FER1L5: variants seen among roughly 807,000 people sequenced by gnomAD.
FER1L5 encodes the protein fer-1 like family member 5.
In FER1L5, 187 loss-of-function variants were observed where a neutral mutation model predicts 279.9. The ratio of observed to expected loss-of-function variants is 0.67; its 90% CI spans 0.59 to 0.75. The LOEUF (loss-of-function observed/expected upper bound fraction) is 0.75. Among genes scored for constraint, FER1L5 ranks in the 30% least tolerant of loss-of-function variants. The pLI is 0.00. For synonymous variants in FER1L5, 921 were observed against 989.7 expected (o/e 0.93, Z 1.30); for missense variants, 2,091 against 2,594.4 (o/e 0.81, Z 4.21).
At chr2:96,693,280 C>A (rs2077229498) in intron 31 of FER1L5, among the ~76,000 whole-genome samples, 2 of 152,128 alleles carry the variant, frequency 1.3e-5, no homozygotes, top group South Asian at 4.1e-4. Flanking sequence ...CAGGCTTCAA[C>A]CCTGGGAGGC....
At chr2:96,670,081 C>T (rs1248451613) in intron 17 of FER1L5, 38 bp from the exon 18 acceptor site, 1 of 1,550,498 alleles carries the variant, frequency 6.4e-7, no homozygotes, top group Non-Finnish European at 8.7e-7. Context: ...TTCTTTTTCT[C>T]TCACCCCTTT....
Position 96,689,038 on chromosome 2 carries a change from T to C in FER1L5, c.2362-175T>C. ...CCAGCTGAATGATCCAGGGCAGGGT[T>C]GACCTCTGGGCCTCAGTGCCCTCAC... On this transcript the variant is annotated intron_variant, in intron 24 of 52. Coordinates refer to ENST00000624922, the MANE Select transcript of FER1L5 (RefSeq NM_001293083.2). This position sits in a 1 kb window ranked among gnomAD's most constrained non-coding sequence, Gnocchi z 4.6. 1 of 676,114 alleles carries C rather than the reference T, an allele frequency of 1.5e-6. No individual in the cohort carries two copies. The highest frequency in any genetic ancestry group is 2.4e-6 in the Non-Finnish European group (1 of 408,262). 41.9% of individuals were successfully genotyped at this position (676,114 alleles called of 1,614,324 possible).
chr2:96,653,821 T>A, intron 8 of FER1L5, 119 bp downstream of exon 8: 1 of 702,518 alleles, frequency 1.4e-6, no homozygotes, highest in South Asian at 1.8e-5. Flanking sequence ...GTCTTCCTGA[T>A]CCCCACCACT....
At position 96,699,197 on chromosome 2, in the gene FER1L5, G is replaced by A. The variant is rs1025195128; in HGVS notation, c.4610+61G>A. On this transcript the variant is annotated intron_variant, in intron 42 of 52. Transcript: ENST00000624922. ...TCCTATCCACACCACACTGGAAGTCGGCCGGAGAAGGCACAGAACTCTGGC... is the reference window on the plus strand; with the variant it reads ...TCCTATCCACACCACACTGGAAGTCAGCCGGAGAAGGCACAGAACTCTGGC... The A allele has an allele frequency of 1.5e-5, 22 of 1,505,172 alleles. No individual in the cohort carries two copies. In the East Asian group the frequency reaches 2.5e-4, roughly 17 times the overall value. The allele number at this position is 1,505,172 out of a possible 1,614,324, so 93.2% of individuals were successfully genotyped here.
At chr2:96,672,752 G>C (rs1293124429) in intron 18 of FER1L5, among the ~76,000 whole-genome samples, 1 of 152,004 alleles carries the variant, frequency 6.6e-6, no homozygotes, top group African/African-American at 2.4e-5. Flanking sequence ...AGGCAAAAAG[G>C]AGGAAGCATC....
intron 14 of FER1L5, among the ~76,000 whole-genome samples, chr2:96,667,771 C>T (rs907860599): frequency 2.6e-5 from 4 of 152,202 alleles, no homozygotes; most frequent in Non-Finnish European, 4.4e-5. Context: ...ATTCAGACTG[C>T]GAGGGGCTGT....
intron 19 of FER1L5, among the ~76,000 whole-genome samples, chr2:96,674,873 T>C (rs1369635198): frequency 1.3e-5 from 2 of 152,124 alleles, no homozygotes; most frequent in South Asian, 4.2e-4. Context: ...GCTTAAAATA[T>C]AGAAAACTAT....
intron 6 of FER1L5, among the ~76,000 whole-genome samples, chr2:96,651,319 T>C (rs2075369228): frequency 6.6e-6 from 1 of 150,950 alleles, no homozygotes; most frequent in African/African-American, 2.4e-5. Context: ...TCCTTCCTTC[T>C]TTCTCTCTTT....
intron 38 of FER1L5, 22 bp downstream of exon 38, chr2:96,697,598 TCAGTG>T (rs1250030480): frequency 1.2e-6 from 2 of 1,613,850 alleles, no homozygotes. Context: ...TCAGCCCCAT[TCAGTG>T]CAGGGAGGTG....
chr2:96,702,622 G>C lies in FER1L5; in HGVS notation c.5278G>C (p.Asp1760His), dbSNP rs778496350. ...IKGWLYGLEK[D>H]MQKTDIHYHS... ...CAGGTGGTTATACGGGCTGGAGAAG[G>C]ACATGCAGAAGACAGACATCCACTA... The change falls in exon 48 of 53, where the codon GAC becomes CAC. Residue 1760 changes from aspartate (D) to histidine (H), a missense_variant. By Grantham distance (81) the Asp-to-His change is moderately conservative. Coordinates refer to ENST00000624922, the MANE Select transcript of FER1L5 (RefSeq NM_001293083.2). This position sits in a 1 kb window ranked among gnomAD's most constrained non-coding sequence, Gnocchi z 4.0. 1 of 1,586,092 alleles carries C rather than the reference G, an allele frequency of 6.3e-7. No homozygotes were observed.
At chr2:96,646,292 C>A in intron 1 of FER1L5, 109 bp from the exon 2 acceptor site, 1 of 1,209,782 alleles carries the variant, frequency 8.3e-7, no homozygotes, top group Non-Finnish European at 1.2e-6. Flanking sequence ...GCCACCATGC[C>A]CGGCCGACTT....
chr2:96,689,250 A>G lies in FER1L5; in HGVS notation c.2399A>G (p.Gln800Arg). The change falls in exon 25 of 53, where the codon CAG becomes CGG. Residue 800 changes from glutamine to arginine, a missense_variant. Gln to Arg is a conservative substitution (Grantham distance 43). Coordinates refer to ENST00000624922, the MANE Select transcript of FER1L5 (RefSeq NM_001293083.2). This position sits in a 1 kb window ranked among gnomAD's most constrained non-coding sequence, Gnocchi z 4.6. Reference sequence around the variant, plus strand: ...GCCAAGTATAAAGACCAGTGGGGGCAGCAGGGGCTGTATCACTGCCCCAAC... The same window carrying G: ...GCCAAGTATAAAGACCAGTGGGGGCGGCAGGGGCTGTATCACTGCCCCAAC... ...NQAKYKDQWG[Q>R]QGLYHCPNFS... The G allele has an allele frequency of 1.3e-6, 2 of 1,550,726 alleles. No homozygotes were observed.
In FER1L5 at chr2:96,702,426, G is replaced by T. The variant is rs776029688; in HGVS notation, c.5255+25G>T. The T allele has an allele frequency of 6.3e-7, 1 of 1,594,550 alleles. No homozygotes were observed. Among genetic ancestry groups the T allele is most frequent in the Non-Finnish European group, 8.5e-7 (1 of 1,170,850 alleles). On this transcript the variant is annotated intron_variant, in intron 47 of 52. Coordinates refer to ENST00000624922, the MANE Select transcript of FER1L5 (RefSeq NM_001293083.2). This position sits in a 1 kb window ranked among gnomAD's most constrained non-coding sequence, Gnocchi z 4.0. ...GGTAGGGAAGAGGAGTCAGGCTCCG[G>T]CAGAGCCCCTCAGTTCCCCAGTTCT... is the stretch of plus-strand genomic sequence containing the variant.
At chr2:96,656,374 C>G (rs1045804438) in intron 9 of FER1L5, among the ~76,000 whole-genome samples, 13 of 152,226 alleles carry the variant, frequency 8.5e-5, no homozygotes, top group African/African-American at 2.7e-4. Flanking sequence ...CGGTGGCTCA[C>G]GCCTGTAATC....
intron 19 of FER1L5, among the ~76,000 whole-genome samples, chr2:96,683,545 T>A (rs907658075): frequency 1.4e-5 from 2 of 138,692 alleles, no homozygotes; most frequent in African/African-American, 5.2e-5. Flanking sequence ...GTCCTGGGGT[T>A]TGGGACTTGA....
intron 9 of FER1L5, 46 bp from the exon 10 acceptor site, chr2:96,660,295 T>C (rs2075907620): frequency 6.4e-7 from 1 of 1,550,938 alleles, no homozygotes; most frequent in African/African-American, 1.4e-5. Context: ...TTACAAATCT[T>C]GGCTGCAGGC....
intron 12 of FER1L5, 133 bp from the exon 13 acceptor site, chr2:96,662,082 A>G (rs2075975671): frequency 1.1e-6 from 1 of 906,936 alleles, no homozygotes; most frequent in East Asian, 2.6e-5. Flanking sequence ...CATGGTGGGA[A>G]CTGGAGACAG....
chr2:96,682,426 A>G (rs189520529), intron 19 of FER1L5, among the ~76,000 whole-genome samples: 23 of 152,214 alleles, frequency 1.5e-4, no homozygotes, highest in Middle Eastern at 3.4e-3. Flanking sequence ...GGCTGTTTCC[A>G]ACTTTTGGCT....
At chr2:96,646,877 G>T (rs1558833502) in intron 2 of FER1L5, among the ~76,000 whole-genome samples, 187 bp from the exon 3 acceptor site, 9 of 152,160 alleles carry the variant, frequency 5.9e-5, no homozygotes, top group Admixed American at 5.9e-4. Flanking sequence ...CACAGAAGCC[G>T]AGTGGGATGC....
Sources: allele counts gnomAD v4.1 joint callset (sites outside exome capture counted in the v4.1 genomes callset), GRCh38; gene constraint gnomAD v4.1.1; non-coding constraint Gnocchi (gnomAD v3.1); transcripts MANE v1.5; gene names NCBI Gene and HGNC (gene_info 2026-07-23, HGNC 2026-07-21).